The following MYCBP2 variants were observed in gnomAD, a reference collection of about 807,000 sequenced individuals.
MYCBP2 encodes E3 ubiquitin-protein ligase MYCBP2.
Under a neutral mutation model 525.3 loss-of-function variants are expected in MYCBP2, and 120 were observed. The ratio of observed to expected loss-of-function variants is 0.23; its 90% CI spans 0.20 to 0.27. MYCBP2 has a LOEUF of 0.27. Among genes scored for constraint, MYCBP2 ranks in the 10% least tolerant of loss-of-function variants. The probability of loss-of-function intolerance (pLI) is 1.00; values close to 1 mark genes in which losing one functional copy is unlikely to be tolerated. For synonymous variants in MYCBP2, 1,894 were observed against 1,955.8 expected (o/e 0.97, Z 0.83); for missense variants, 4,149 against 5,657.1 (o/e 0.73, Z 8.55).
intron 27 of MYCBP2, among the ~76,000 whole-genome samples, chr13:77,192,068 T>C (rs2061348139): frequency 6.6e-6 from 1 of 152,254 alleles, no homozygotes; most frequent in South Asian, 2.1e-4. Context: ...TATAAAACTT[T>C]CATATTAAAA....
chr13:77,144,902 AT>A (rs2055277221), intron 48 of MYCBP2, among the ~76,000 whole-genome samples: 2 of 152,134 alleles, frequency 1.3e-5, no homozygotes, highest in African/African-American at 4.8e-5. Flanking sequence ...CCTGGATCTG[AT>A]CCAAAGCTAG....
chr13:77,194,382 C>T, intron 26 of MYCBP2, 138 bp from the exon 27 acceptor site: 1 of 615,916 alleles, frequency 1.6e-6, no homozygotes. Flanking sequence ...GCTTTTTTAA[C>T]ATTACTATGT....
intron 43 of MYCBP2, among the ~76,000 whole-genome samples, chr13:77,163,049 C>T: frequency 6.6e-6 from 1 of 152,140 alleles, no homozygotes; most frequent in East Asian, 1.9e-4. Flanking sequence ...CTGTATAGGT[C>T]TACTTTTTCA....
At chr13:77,294,109 T>TATATATATATATATATATAC (rs2077807596) in intron 2 of MYCBP2, among the ~76,000 whole-genome samples, 6 of 52,414 alleles carry the variant, frequency 1.1e-4, no homozygotes, top group Middle Eastern at 0.013. Context: ...AATGGCTATA[T>TATATATATATATATATATAC]ATATATATAT....
intron 78 of MYCBP2, among the ~76,000 whole-genome samples, chr13:77,057,479 C>T (rs1265161304): frequency 6.6e-6 from 1 of 152,006 alleles, no homozygotes; most frequent in Non-Finnish European, 1.5e-5. Flanking sequence ...AAAATATAAG[C>T]AATGGGCAAA....
Position 77,056,649 on chromosome 13 carries a change from C to A in MYCBP2, c.13437+337G>T, listed in dbSNP as rs138323978. 2.2e-3 allele frequency among the ~76,000 whole-genome samples: 331 copies of A among 152,274 alleles called. 1 individual carries two copies. The highest frequency in any genetic ancestry group is 7.6e-3 in the African/African-American group (315 of 41,560). On this transcript the variant is annotated intron_variant, in intron 79 of 82. Coordinates refer to ENST00000544440, the MANE Select transcript of MYCBP2 (RefSeq NM_015057.5). The stretch of plus-strand genomic sequence containing the variant: ...TCAGTTTCTACAAACACCAGAGGAT[C>A]ATTCTTCTTTTTGGTAGCCGTTGTC...
At chr13:77,295,188 G>A (rs1028075378) in intron 2 of MYCBP2, among the ~76,000 whole-genome samples, 2 of 152,170 alleles carry the variant, frequency 1.3e-5, no homozygotes, top group African/African-American at 2.4e-5. Context: ...AGGCTGGAGT[G>A]CAGTGGTGCG....
At chr13:77,158,206 G>T in intron 44 of MYCBP2, 97 bp from the exon 45 acceptor site, 1 of 671,792 alleles carries the variant, frequency 1.5e-6, no homozygotes. Context: ...AGGCCTTTAC[G>T]GAGAAATCAT....
chr13:77,176,765 A>C (rs1188714318), intron 35 of MYCBP2, 137 bp from the exon 36 acceptor site: 1 of 692,698 alleles, frequency 1.4e-6, no homozygotes, highest in Admixed American at 3.8e-5. Flanking sequence ...TCCCATACAT[A>C]TGAAAGAAAA....
rs1158127571 is a variant in MYCBP2 at position 77,270,310 on chromosome 13, T to C, written c.1174A>G (p.Ser392Gly). ...DGLYKIGSGY[S>G]GTVRGHIYNS... ...AATCACATTACCCTAACTGTTCCAC[T>C]GTATCCAGAGCCTATTTTATATAAT... is the stretch of plus-strand genomic sequence containing the variant. The change falls in exon 6 of 83, where the codon AGT (serine) becomes GGT (glycine). Residue 392 changes from serine to glycine, a missense_variant. Around this residue, in one of 21 missense-constraint regions of MYCBP2, gnomAD observed 262 missense variants for 419.3 expected, o/e 0.62. Coordinates refer to ENST00000544440, the MANE Select transcript of MYCBP2 (RefSeq NM_015057.5). 1.9e-6 allele frequency: 3 copies of C among 1,612,134 alleles called. No individual in the cohort carries two copies.
intron 17 of MYCBP2, among the ~76,000 whole-genome samples, chr13:77,241,332 C>T (rs9593216): frequency 5.3e-5 from 8 of 151,788 alleles, no homozygotes; most frequent in Admixed American, 4.6e-4. Flanking sequence ...CAAGATACAC[C>T]GCATTAGGCA....
intron 17 of MYCBP2, among the ~76,000 whole-genome samples, chr13:77,238,162 G>A (rs1024626394): frequency 6.9e-6 from 1 of 144,210 alleles, no homozygotes; most frequent in Non-Finnish European, 1.5e-5. Context: ...AGAGTGGTGT[G>A]AACCCAGGAG....
chr13:77,054,045 G>A (rs186024555), intron 80 of MYCBP2, among the ~76,000 whole-genome samples: 15 of 152,274 alleles, frequency 9.9e-5, no homozygotes, highest in Admixed American at 7.8e-4. Context: ...TGGTGTTGAT[G>A]GAAGTGAGAT....
intron 26 of MYCBP2, among the ~76,000 whole-genome samples, chr13:77,197,256 AAAG>A (rs1439798592): frequency 2.0e-5 from 3 of 152,176 alleles, no homozygotes; most frequent in African/African-American, 7.2e-5. Flanking sequence ...GAAAGTATAG[AAAG>A]AATATGTACA....
At chr13:77,265,824 T>C (rs1399652257) in intron 8 of MYCBP2, among the ~76,000 whole-genome samples, 1 of 152,174 alleles carries the variant, frequency 6.6e-6, no homozygotes, top group East Asian at 1.9e-4. Context: ...TTCAAGATTT[T>C]CTCTTTATCC....
intron 52 of MYCBP2, among the ~76,000 whole-genome samples, chr13:77,130,658 T>A (rs959143322): frequency 2.6e-5 from 4 of 152,104 alleles, no homozygotes; most frequent in African/African-American, 9.7e-5. Context: ...AGTGCTATGT[T>A]TTAGGGGAAA....
At chr13:77,222,772 C>CA (rs545014234) in intron 20 of MYCBP2, among the ~76,000 whole-genome samples, 5 of 152,120 alleles carry the variant, frequency 3.3e-5, no homozygotes, top group Non-Finnish European at 7.3e-5. Context: ...TAATCTTTAC[C>CA]ATGTAAATGG....
intron 52 of MYCBP2, among the ~76,000 whole-genome samples, chr13:77,137,272 G>A (rs1185401906): frequency 6.6e-6 from 1 of 152,070 alleles, no homozygotes; most frequent in African/African-American, 2.4e-5. Context: ...TGTGACAGAT[G>A]GTACTTCTTG....
chr13:77,050,369 A>G (rs140370311), intron 82 of MYCBP2, among the ~76,000 whole-genome samples: 308 of 152,216 alleles, frequency 2.0e-3, no homozygotes, highest in African/African-American at 6.7e-3. Flanking sequence ...ATTCTCTCCT[A>G]TGGTTGCACG....
Sources: gnomAD v4.1 joint callset for allele counts (sites outside exome capture counted in the v4.1 genomes callset) on GRCh38, gnomAD v4.1.1 for gene constraint, gnomAD v4.1.1 regional missense constraint, MANE v1.5 for transcripts, NCBI Gene and HGNC (gene_info 2026-07-23, HGNC 2026-07-21) for gene names.